Variants in TTC28 observed in about 807,000 individuals in gnomAD.
TTC28 encodes tetratricopeptide repeat protein 28.
Under a neutral mutation model 198.0 loss-of-function variants are expected in TTC28, and 61 were observed. The ratio of observed to expected loss-of-function variants is 0.31; its 90% confidence interval spans 0.25 to 0.38. TTC28 has a LOEUF of 0.38. Among genes scored for constraint, TTC28 ranks in the 10% least tolerant of loss-of-function variants. The probability of loss-of-function intolerance (pLI) is 1.00; values close to 1 mark genes in which losing one functional copy is unlikely to be tolerated. For synonymous variants in TTC28, 1,171 were observed against 1,297.8 expected (o/e 0.90, Z 2.10); for missense variants, 2,678 against 3,164.0 (o/e 0.85, Z 3.69).
intron 1 of TTC28, among the ~76,000 whole-genome samples, chr22:28,649,296 A>G (rs1234581788): frequency 2.6e-5 from 4 of 152,210 alleles, no homozygotes; most frequent in Non-Finnish European, 5.9e-5. Flanking sequence ...TGACTGCACT[A>G]AAATCTCAGA....
chr22:28,590,921 A>G (rs955625316), intron 2 of TTC28, among the ~76,000 whole-genome samples: 1 of 149,888 alleles, frequency 6.7e-6, no homozygotes, highest in Non-Finnish European at 1.5e-5. Flanking sequence ...AGGCAGGAGA[A>G]TCGCAACCCG....
intron 2 of TTC28, among the ~76,000 whole-genome samples, chr22:28,554,371 T>TAA (rs35063705): frequency 9.7e-5 from 12 of 123,122 alleles, no homozygotes; most frequent in African/African-American, 1.8e-4. Context: ...AATGATCAAT[T>TAA]AAAAAAAAAA....
chr22:28,628,175 C>T (rs1173131598), intron 2 of TTC28, among the ~76,000 whole-genome samples: 3 of 151,918 alleles, frequency 2.0e-5, no homozygotes, highest in East Asian at 1.9e-4. Flanking sequence ...AGATTATAGG[C>T]ATGAGCCACC....
At chr22:28,274,849 C>T (rs1228808318) in intron 5 of TTC28, among the ~76,000 whole-genome samples, 2 of 151,862 alleles carry the variant, frequency 1.3e-5, no homozygotes, top group Non-Finnish European at 2.9e-5. Context: ...TGTGGTAGCG[C>T]ATGCCTGTAA....
intron 2 of TTC28, among the ~76,000 whole-genome samples, chr22:28,483,614 C>G (rs28614772): frequency 6.6e-6 from 1 of 152,122 alleles, no homozygotes; most frequent in East Asian, 1.9e-4. Flanking sequence ...TAAAACCCAT[C>G]TGATGAATTT....
In TTC28 at chr22:27,998,664, A is replaced by C; in HGVS notation, c.4995T>G (p.Ser1665=). 6.4e-7 allele frequency: 1 copy of C among 1,550,848 alleles called. No homozygotes were observed. Among genetic ancestry groups the C allele is most frequent in the Non-Finnish European group, 8.7e-7 (1 of 1,147,008 alleles). The change falls in exon 16 of 23, where the codon TCT becomes TCG. Residue 1665 remains serine, a synonymous_variant. Transcript: ENST00000397906. ...VSLWPVPVAA[S]KMFIHAFYSS... is the part of the protein sequence containing the mutation. ...AGTAGAAGGCATGGATGAACATCTT[A>C]GAAGCAGCCACTGGCACAGGCCACA...
rs146862940 is a variant in TTC28 at position 28,174,842 on chromosome 22, A to G, written c.934-11243T>C. Among the ~76,000 whole-genome samples the G allele has an allele frequency of 1.9e-3, 290 of 152,272 alleles. 2 individuals carry two copies. Among genetic ancestry groups the G allele is most frequent in the Middle Eastern group, 0.014 (4 of 294 alleles). ...TCCAACACATAATCTTGGTAAATAC[A>G]CTTCACTTCAAGCAGTGAAAGTTTA... On this transcript the variant is annotated intron_variant, in intron 5 of 22. Transcript: ENST00000397906.
intron 2 of TTC28, among the ~76,000 whole-genome samples, chr22:28,487,143 C>A (rs1037692687): frequency 5.3e-5 from 8 of 151,898 alleles, no homozygotes; most frequent in Admixed American, 3.3e-4. Context: ...ACTTTTTCCC[C>A]CTCAGCCTTA....
intron 2 of TTC28, among the ~76,000 whole-genome samples, chr22:28,370,866 T>C (rs183925587): frequency 9.3e-4 from 142 of 152,326 alleles, no homozygotes; most frequent in Admixed American, 2.6e-3. Flanking sequence ...ATGACTTTGT[T>C]AGAAGGCGGA....
At chr22:28,679,068 C>T (rs957944252) in intron 1 of TTC28, among the ~76,000 whole-genome samples, 3 of 152,236 alleles carry the variant, frequency 2.0e-5, no homozygotes, top group Non-Finnish European at 4.4e-5. Context: ...CATCCTTCCC[C>T]CTGACTAGTG....
chr22:28,633,213 G>A (rs571102864), intron 1 of TTC28, among the ~76,000 whole-genome samples: 4 of 150,842 alleles, frequency 2.7e-5, no homozygotes, highest in South Asian at 2.1e-4. Flanking sequence ...CCAGGAGGCA[G>A]AGGTTGCAGT....
intron 1 of TTC28, among the ~76,000 whole-genome samples, chr22:28,636,127 A>ATTTTTTTTTTTTTT (rs71316851): frequency 1.5e-5 from 1 of 65,736 alleles, no homozygotes. Flanking sequence ...AAATGTCAGG[A>ATTTTTTTTTTTTTT]TTTTTTTTTT....
intron 6 of TTC28, among the ~76,000 whole-genome samples, chr22:28,116,439 G>C (rs1306898236): frequency 6.6e-6 from 1 of 152,196 alleles, no homozygotes; most frequent in Non-Finnish European, 1.5e-5. Flanking sequence ...GGAAGTGCTA[G>C]GCACAGTCAT....
At chr22:28,311,619 G>T (rs1192655679) in intron 2 of TTC28, among the ~76,000 whole-genome samples, 1 of 151,912 alleles carries the variant, frequency 6.6e-6, no homozygotes, top group East Asian at 1.9e-4. Flanking sequence ...AGTAAATGGG[G>T]TATCCATCAC....
At chr22:28,166,858 C>G (rs756108454) in intron 5 of TTC28, among the ~76,000 whole-genome samples, 5 of 151,986 alleles carry the variant, frequency 3.3e-5, no homozygotes, top group Non-Finnish European at 7.4e-5. Context: ...CACAAAAAAC[C>G]CTTCAAAACA....
At chr22:28,562,157 G>A (rs1466555605) in intron 2 of TTC28, among the ~76,000 whole-genome samples, 7 of 152,076 alleles carry the variant, frequency 4.6e-5, no homozygotes, top group African/African-American at 1.7e-4. Context: ...TATAAGTAAT[G>A]AGGAAAAAAA....
intron 5 of TTC28, among the ~76,000 whole-genome samples, chr22:28,274,676 A>C (rs1932295888): frequency 6.6e-6 from 1 of 152,162 alleles, no homozygotes; most frequent in Admixed American, 6.5e-5. Flanking sequence ...GATTGCAGAA[A>C]AGATGCTATT....
At chr22:28,640,256 T>A (rs1476635661) in intron 1 of TTC28, among the ~76,000 whole-genome samples, 1 of 110,354 alleles carries the variant, frequency 9.1e-6, no homozygotes, top group Non-Finnish European at 1.7e-5. Context: ...TGAGACCCCA[T>A]CTCAAAAAAA....
At chr22:28,168,036 CAGAG>C (rs557097597) in intron 5 of TTC28, among the ~76,000 whole-genome samples, 10 of 152,146 alleles carry the variant, frequency 6.6e-5, no homozygotes, top group Non-Finnish European at 1.5e-4. Context: ...AACAGACAAA[CAGAG>C]AGCCAAATCA....
Sources: allele counts gnomAD v4.1 joint callset (sites outside exome capture counted in the v4.1 genomes callset), GRCh38; gene constraint gnomAD v4.1.1; transcripts MANE v1.5; gene names NCBI Gene and HGNC (gene_info 2026-07-23, HGNC 2026-07-21).